The following WDR72 variants were observed in gnomAD, a reference collection of about 807,000 sequenced individuals.
WDR72 encodes WD repeat domain 72.
Under a neutral mutation model 124.2 loss-of-function variants are expected in WDR72, and 120 were observed. That is an observed-to-expected ratio of 0.97 (90% CI 0.83 to 1.12). The LOEUF is 1.12. Ranked by LOEUF, WDR72 falls within the 50% of genes most tolerant of loss-of-function variation. The pLI is 0.00. For synonymous variants in WDR72, 452 were observed against 441.7 expected, an observed-to-expected ratio of 1.02 and a Z score of -0.29; for missense variants, 1,387 against 1,278.8, an observed-to-expected ratio of 1.08 and a Z score of -1.29.
chr15:53,725,620 G>C lies in WDR72; in HGVS notation c.154-2712C>G, dbSNP rs961048481. On this transcript the variant is annotated intron_variant, in intron 2 of 19. Coordinates refer to ENST00000360509, the MANE Select transcript of WDR72 (RefSeq NM_182758.4). ...TATATACAATGAAATATTACTCAGCGCTAAAAAGAAATCAGCTATCAAGCC... is the reference window on the plus strand; with the variant it reads ...TATATACAATGAAATATTACTCAGCCCTAAAAAGAAATCAGCTATCAAGCC... Among the ~76,000 whole-genome samples, 3 of 152,120 alleles carry C rather than the reference G, an allele frequency of 2.0e-5. No homozygotes were observed. In the East Asian group the frequency reaches 5.8e-4, roughly 29 times the overall value.
At chr15:53,756,211 G>A (rs1206825996) in intron 1 of WDR72, among the ~76,000 whole-genome samples, 3 of 152,140 alleles carry the variant, frequency 2.0e-5, no homozygotes, top group East Asian at 1.9e-4. Flanking sequence ...CTGTTCTCGT[G>A]ATAGTAAGGT....
Position 53,597,283 on chromosome 15 carries a change from T to C in WDR72, c.2953-9A>G, listed in dbSNP as rs1374873768. 1 of 1,613,020 alleles carries C rather than the reference T, an allele frequency of 6.2e-7. No individual in the cohort carries two copies. The highest frequency in any genetic ancestry group is 8.5e-7 in the Non-Finnish European group (1 of 1,179,510). On this transcript the variant is annotated splice_polypyrimidine_tract_variant and intron_variant, in intron 17 of 19. Transcript: ENST00000360509. ...TGTATTGCTTCAGTTACCTGTAAGGTATTTTTTTAAGTGAATTATTTTTAG... is the reference window on the plus strand; with the variant it reads ...TGTATTGCTTCAGTTACCTGTAAGGCATTTTTTTAAGTGAATTATTTTTAG...
intron 13 of WDR72, among the ~76,000 whole-genome samples, chr15:53,678,855 C>G (rs1461000765): frequency 6.6e-6 from 1 of 152,026 alleles, no homozygotes; most frequent in South Asian, 2.1e-4. Context: ...ATTTGTATAC[C>G]CATGTTCACA....
At chr15:53,646,406 GAAATAATAC>G (rs1451207051) in intron 14 of WDR72, among the ~76,000 whole-genome samples, 12 of 152,126 alleles carry the variant, frequency 7.9e-5, no homozygotes, top group Admixed American at 7.9e-4. Flanking sequence ...AGGTAAGTGA[GAAATAATAC>G]AAATAATGGA....
chr15:53,714,639 T>C lies in WDR72; in HGVS notation c.515-129A>G, dbSNP rs970963280. On this transcript the variant is annotated intron_variant, in intron 5 of 19. Coordinates refer to ENST00000360509, the MANE Select transcript of WDR72 (RefSeq NM_182758.4). ...GAAAATTTTCAGCTTTGGAGTTACTTTTTAACTAGAAAAAATAAACATTTT... is the reference window on the plus strand; with the variant it reads ...GAAAATTTTCAGCTTTGGAGTTACTCTTTAACTAGAAAAAATAAACATTTT... The C allele has an allele frequency of 3.7e-5, 26 of 699,318 alleles. No individual in the cohort carries two copies. In the African/African-American group the frequency reaches 4.6e-4, roughly 12 times the overall value. 43.3% of individuals were successfully genotyped at this position (699,318 alleles called of 1,614,324 possible). A position where few individuals can be genotyped will look rare whatever the true frequency, so the allele number is the denominator to read the frequency against.
At chr15:53,621,430 G>GATATAT (rs57355125) in intron 14 of WDR72, among the ~76,000 whole-genome samples, 9,632 of 124,048 alleles carry the variant, frequency 0.078, 447 homozygotes, top group Admixed American at 0.11. Flanking sequence ...AAGAAACTGT[G>GATATAT]ATATATATAT....
At chr15:53,686,945 C>T (rs1157279879) in intron 13 of WDR72, among the ~76,000 whole-genome samples, 2 of 151,584 alleles carry the variant, frequency 1.3e-5, no homozygotes, top group Non-Finnish European at 2.9e-5. Flanking sequence ...ACTGAACAAC[C>T]TGCTCCTGAA....
At chr15:53,593,606 A>T (rs1156638311) in intron 18 of WDR72, among the ~76,000 whole-genome samples, 20 of 151,970 alleles carry the variant, frequency 1.3e-4, no homozygotes, top group Admixed American at 1.3e-3. Context: ...TACAAAAAAT[A>T]CAAAAATTAG....
At chr15:53,542,843 C>A (rs1482826079) in intron 18 of WDR72, among the ~76,000 whole-genome samples, 5 of 90,836 alleles carry the variant, frequency 5.5e-5, no homozygotes, top group Non-Finnish European at 1.1e-4. Context: ...GGGTTGCAAT[C>A]CTAGTCTCTG....
At chr15:53,598,142 A>G (rs1286016762) in intron 17 of WDR72, among the ~76,000 whole-genome samples, 3 of 152,154 alleles carry the variant, frequency 2.0e-5, no homozygotes, top group South Asian at 2.1e-4. Context: ...GGGAGAGAAA[A>G]GAATGGACAC....
At chr15:53,710,325 T>G (rs926990582) in intron 9 of WDR72, among the ~76,000 whole-genome samples, 13 of 152,092 alleles carry the variant, frequency 8.5e-5, no homozygotes, top group African/African-American at 2.9e-4. Flanking sequence ...TGAAAAAATG[T>G]GTGGTGTGTG....
At chr15:53,758,782 GC>G (rs574555743) in intron 1 of WDR72, among the ~76,000 whole-genome samples, 223 of 75,832 alleles carry the variant, frequency 2.9e-3, no homozygotes, top group Middle Eastern at 6.5e-3. Context: ...GGGGGGGGGG[GC>G]GGTGCGGGCG....
At chr15:53,645,898 A>G (rs890345214) in intron 14 of WDR72, among the ~76,000 whole-genome samples, 9 of 152,288 alleles carry the variant, frequency 5.9e-5, no homozygotes, top group Admixed American at 2.6e-4. Context: ...AAGTGATCAT[A>G]TAATTTATTG....
chr15:53,704,903 G>T, intron 11 of WDR72, 85 bp downstream of exon 11: 1 of 1,472,344 alleles, frequency 6.8e-7, no homozygotes, highest in South Asian at 1.2e-5. Context: ...AAATTATTTA[G>T]GCCTCTAAAT....
At chr15:53,695,836 A>C (rs184473572) in intron 13 of WDR72, among the ~76,000 whole-genome samples, 1 of 152,134 alleles carries the variant, frequency 6.6e-6, no homozygotes, top group East Asian at 1.9e-4. Flanking sequence ...TGCCAAAGAG[A>C]CTCGTAAGTA....
At chr15:53,741,727 C>T (rs78294724) in intron 1 of WDR72, among the ~76,000 whole-genome samples, 1,813 of 143,030 alleles carry the variant, frequency 0.013, 34 homozygotes, top group African/African-American at 0.042. Flanking sequence ...GAAATGTGAT[C>T]CAGATTTTTT....
In WDR72 at chr15:53,716,598, T is replaced by A. The variant is rs690337; in HGVS notation, c.339+9A>T. 1 of 1,572,670 alleles carries A rather than the reference T, an allele frequency of 6.4e-7. No individual in the cohort carries two copies. The highest frequency in any genetic ancestry group is 8.8e-7 in the Non-Finnish European group (1 of 1,142,276). ...CTAGAAATGCCCTGAAGGAAGTGAG[T>A]GTACTTACACAGATTGCAGTGTGCC... On this transcript the variant is annotated intron_variant, in intron 4 of 19. Transcript: ENST00000360509.
At chr15:53,609,639 G>C in intron 16 of WDR72, 47 bp from the exon 17 acceptor site, 1 of 1,504,800 alleles carries the variant, frequency 6.6e-7, no homozygotes. Flanking sequence ...ATTAAAAATG[G>C]ATAATGGCTC....
rs1892981850 is a variant in WDR72, at chr15:53,539,943, A to AC, written c.3149-16622_3149-16621insG. On this transcript the variant is annotated intron_variant, in intron 18 of 19. Transcript: ENST00000360509. The stretch of plus-strand genomic sequence containing the variant: ...TAAGCAAGATTAAAGATAAAAGGAT[A>AC]GACAGGATATAAATAAATTTTTAAA... Among the ~76,000 whole-genome samples, 5 of 152,320 alleles carry AC rather than the reference A, an allele frequency of 3.3e-5. No individual in the cohort carries two copies. The South Asian group carries it at 1.0e-3, about 32-fold the overall frequency.
Sources: gnomAD v4.1 joint callset for allele counts (sites outside exome capture counted in the v4.1 genomes callset) on GRCh38, gnomAD v4.1.1 for gene constraint, MANE v1.5 for transcripts, NCBI Gene and HGNC (gene_info 2026-07-23, HGNC 2026-07-21) for gene names.